The following METTL25 variants were observed in gnomAD, a reference collection of about 807,000 sequenced individuals.
The protein encoded by METTL25 is probable methyltransferase-like protein 25.
A neutral mutation model predicts 71.6 loss-of-function variants in METTL25; 64 were observed. That is an observed-to-expected ratio of 0.89 (90% CI 0.73 to 1.10). METTL25 has a LOEUF of 1.10. METTL25 is among the 50% of genes least tolerant of loss of function. METTL25 has a pLI of 0.00. For missense variants in METTL25, 807 were observed against 707.0 expected (o/e 1.14, Z -1.60); for synonymous variants, 287 against 250.3 (o/e 1.15, Z -1.38).
chr12:82,473,489 G>A lies in METTL25; in HGVS notation c.1573-3155G>A, dbSNP rs185827191. Among the ~76,000 whole-genome samples the A allele has an allele frequency of 2.1e-4, 32 of 152,220 alleles. No homozygotes were observed. The East Asian group carries it at 6.0e-3, about 29-fold the overall frequency. On this transcript the variant is annotated intron_variant, in intron 9 of 11. Coordinates refer to ENST00000248306, the MANE Select transcript of METTL25 (RefSeq NM_032230.3). ...TTGTATACTGGGGATGGTCCCCAGA[G>A]CTATTTCTCAGGCCTGTGTCATAGG... is the stretch of plus-strand genomic sequence containing the variant.
At chr12:82,461,844 T>TTAAA (rs1891900175) in intron 9 of METTL25, among the ~76,000 whole-genome samples, 1 of 152,206 alleles carries the variant, frequency 6.6e-6, no homozygotes, top group Non-Finnish European at 1.5e-5. Context: ...TACTAAGATG[T>TTAAA]ATGCGATCTA....
At chr12:82,367,417 A>G (rs531435332) in intron 1 of METTL25, among the ~76,000 whole-genome samples, 3 of 152,212 alleles carry the variant, frequency 2.0e-5, no homozygotes, top group African/African-American at 2.4e-5. Flanking sequence ...GTCTGTATTT[A>G]TTTTGTTTAC....
chr12:82,457,231 G>A (rs1324034193), intron 9 of METTL25, among the ~76,000 whole-genome samples: 1 of 151,764 alleles, frequency 6.6e-6, no homozygotes, highest in Non-Finnish European at 1.5e-5. Context: ...TTGAAAAGTT[G>A]TAATATCATA....
intron 1 of METTL25, among the ~76,000 whole-genome samples, chr12:82,366,385 C>T (rs576127087): frequency 1.6e-4 from 24 of 152,166 alleles, no homozygotes; most frequent in African/African-American, 2.4e-4. Context: ...AGTTTCTTGA[C>T]GCCATATGCT....
At chr12:82,455,789 C>G (rs1891450618) in intron 8 of METTL25, among the ~76,000 whole-genome samples, 1 of 151,728 alleles carries the variant, frequency 6.6e-6, no homozygotes. Flanking sequence ...TCAAATTTAT[C>G]CCAATAAATG....
At chr12:82,471,027 T>A (rs1892540024) in intron 9 of METTL25, among the ~76,000 whole-genome samples, 1 of 152,198 alleles carries the variant, frequency 6.6e-6, no homozygotes, top group Non-Finnish European at 1.5e-5. Flanking sequence ...GTGAACATTT[T>A]CAACACTGTT....
chr12:82,369,856 T>C (rs1157811542), intron 1 of METTL25, among the ~76,000 whole-genome samples: 1 of 152,174 alleles, frequency 6.6e-6, no homozygotes, highest in Non-Finnish European at 1.5e-5. Context: ...GAGTGCTGAT[T>C]GGTGCGTTTA....
intron 8 of METTL25, among the ~76,000 whole-genome samples, chr12:82,442,574 A>C (rs970440406): frequency 7.2e-5 from 11 of 152,156 alleles, no homozygotes; most frequent in Non-Finnish European, 1.5e-5. Context: ...GTAGGAAAAG[A>C]GGGTGGAGTA....
chr12:82,422,099 T>G (rs549741922), intron 5 of METTL25, among the ~76,000 whole-genome samples: 12 of 152,052 alleles, frequency 7.9e-5, no homozygotes, highest in African/African-American at 2.2e-4. Context: ...AACAAAAAAA[T>G]AGAATTTTAG....
intron 8 of METTL25, among the ~76,000 whole-genome samples, chr12:82,447,828 A>G (rs1224029566): frequency 1.3e-5 from 2 of 152,144 alleles, no homozygotes; most frequent in African/African-American, 4.8e-5. Context: ...TCACTAAAAT[A>G]TTGATCTTTT....
At chr12:82,454,383 A>G (rs1592751094) in intron 8 of METTL25, among the ~76,000 whole-genome samples, 2 of 151,916 alleles carry the variant, frequency 1.3e-5, no homozygotes, top group East Asian at 4.0e-4. Flanking sequence ...GGTATGTTCA[A>G]GAAACTAAGA....
At chr12:82,443,224 C>T (rs1250097115) in intron 8 of METTL25, among the ~76,000 whole-genome samples, 1 of 151,740 alleles carries the variant, frequency 6.6e-6, no homozygotes, top group Non-Finnish European at 1.5e-5. Flanking sequence ...AAGAAAAGTT[C>T]TAGACACGTA....
At chr12:82,447,042 A>G (rs1890802247) in intron 8 of METTL25, among the ~76,000 whole-genome samples, 1 of 152,194 alleles carries the variant, frequency 6.6e-6, no homozygotes, top group Non-Finnish European at 1.5e-5. Context: ...GAAAAACTTG[A>G]AATAAATGAC....
At chr12:82,427,626 A>T (rs1455181356) in intron 5 of METTL25, among the ~76,000 whole-genome samples, 2 of 151,840 alleles carry the variant, frequency 1.3e-5, no homozygotes, top group African/African-American at 2.4e-5. Flanking sequence ...TCTCATCCTT[A>T]TGGCATGCTT....
chr12:82,414,453 TTTC>T (rs1238958114), intron 5 of METTL25, among the ~76,000 whole-genome samples: 3 of 152,204 alleles, frequency 2.0e-5, no homozygotes, highest in Non-Finnish European at 4.4e-5. Context: ...TGCTTATTTT[TTTC>T]TTTAATTTGC....
intron 1 of METTL25, among the ~76,000 whole-genome samples, chr12:82,369,806 C>A (rs1466476079): frequency 6.6e-6 from 1 of 151,952 alleles, no homozygotes; most frequent in Non-Finnish European, 1.5e-5. Context: ...GTTTACAATT[C>A]TTTAGCTAGA....
chr12:82,423,700 A>T (rs1888725795), intron 5 of METTL25, among the ~76,000 whole-genome samples: 1 of 151,938 alleles, frequency 6.6e-6, no homozygotes, highest in African/African-American at 2.4e-5. Context: ...TTACAAGAAA[A>T]AAATAACCCC....
intron 9 of METTL25, among the ~76,000 whole-genome samples, chr12:82,470,059 A>G (rs1175988872): frequency 6.6e-6 from 1 of 152,214 alleles, no homozygotes; most frequent in Non-Finnish European, 1.5e-5. Context: ...TCTTGTGTCC[A>G]TCAAAGACAA....
chr12:82,447,459 G>C (rs1405492738), intron 8 of METTL25, among the ~76,000 whole-genome samples: 2 of 152,132 alleles, frequency 1.3e-5, no homozygotes, highest in Non-Finnish European at 2.9e-5. Context: ...GTTGAATCTT[G>C]TGAATATAAT....
Sources: allele counts gnomAD v4.1 joint callset (sites outside exome capture counted in the v4.1 genomes callset), GRCh38; gene constraint gnomAD v4.1.1; transcripts MANE v1.5; gene names NCBI Gene and HGNC (gene_info 2026-07-23, HGNC 2026-07-21).